Variants in ESRRG observed in about 807,000 individuals in gnomAD.
ESRRG encodes estrogen-related receptor gamma.
A neutral mutation model predicts 44.0 loss-of-function variants in ESRRG; 13 were observed. The observed-to-expected ratio is 0.30, with a 90% CI of 0.19 to 0.47. The LOEUF (loss-of-function observed/expected upper bound fraction) is 0.47. Ranked by LOEUF, ESRRG falls within the 20% of genes least tolerant of loss-of-function variation. The pLI is 1.00. For missense variants in ESRRG, 395 were observed against 580.6 expected (o/e 0.68, Z 3.29); for synonymous variants, 215 against 214.6 (o/e 1.00, Z -0.02).
chr1:216,757,278 C>T (rs1259292341), intron 2 of ESRRG, among the ~76,000 whole-genome samples: 1 of 151,982 alleles, frequency 6.6e-6, no homozygotes, highest in Non-Finnish European at 1.5e-5. Context: ...GCTCATTCCC[C>T]AGCAGTACTC....
chr1:216,581,889 T>G (rs1314160195), intron 3 of ESRRG, among the ~76,000 whole-genome samples: 1 of 152,236 alleles, frequency 6.6e-6, no homozygotes, highest in East Asian at 1.9e-4. Context: ...GCTAATTGTG[T>G]GGCCCTCAGG....
intron 3 of ESRRG, among the ~76,000 whole-genome samples, chr1:216,583,853 G>A (rs936957019): frequency 2.0e-5 from 3 of 152,192 alleles, no homozygotes; most frequent in Non-Finnish European, 4.4e-5. Context: ...GAGAGAGAGA[G>A]CTTGTGCAGG....
At chr1:216,600,040 C>T (rs1179501351) in intron 3 of ESRRG, among the ~76,000 whole-genome samples, 2 of 152,210 alleles carry the variant, frequency 1.3e-5, no homozygotes, top group Non-Finnish European at 2.9e-5. Context: ...GTTAACAAAA[C>T]CTAAACCGTG....
intron 2 of ESRRG, among the ~76,000 whole-genome samples, chr1:216,751,380 T>C (rs2152295436): frequency 6.6e-6 from 1 of 152,256 alleles, no homozygotes; most frequent in Non-Finnish European, 1.5e-5. Context: ...TATTACCATA[T>C]TCATCATACT....
chr1:216,678,906 T>C (rs1211575848), intron 1 of ESRRG, among the ~76,000 whole-genome samples: 1 of 152,164 alleles, frequency 6.6e-6, no homozygotes, highest in South Asian at 2.1e-4. Flanking sequence ...ATTGCACAAA[T>C]TTCATGCCCT....
At chr1:217,063,726 A>T (rs1272519545) in intron 1 of ESRRG, among the ~76,000 whole-genome samples, 2 of 152,222 alleles carry the variant, frequency 1.3e-5, no homozygotes, top group Admixed American at 1.3e-4. Context: ...ACTCTGGAAT[A>T]CATCAGAATC....
At chr1:216,997,395 G>A (rs1466553635) in intron 1 of ESRRG, among the ~76,000 whole-genome samples, 3 of 152,194 alleles carry the variant, frequency 2.0e-5, no homozygotes, top group Non-Finnish European at 4.4e-5. Context: ...GGCATGCAGT[G>A]AAACAGACCA....
At position 217,017,402 on chromosome 1, in the gene ESRRG, G is replaced by A. The variant is rs575068251; in HGVS notation, c.-106+72105C>T. Reference sequence around the variant, plus strand: ...TGCTGTCAGACAGGATCATATCTGAGTCACATCAGACACAACTGAATCTAG... The same window carrying A: ...TGCTGTCAGACAGGATCATATCTGAATCACATCAGACACAACTGAATCTAG... On this transcript the variant is annotated intron_variant, in intron 1 of 7. Transcript: ENST00000359162. Among the ~76,000 whole-genome samples, 3 of 142,908 alleles carry A rather than the reference G, an allele frequency of 2.1e-5. No homozygotes were observed. The South Asian group carries it at 6.7e-4, about 32-fold the overall frequency. The allele number at this position is 142,908 out of a possible 152,430, so 93.8% of individuals were successfully genotyped here. A position where few individuals can be genotyped will look rare whatever the true frequency, so the allele number is the denominator to read the frequency against.
intron 4 of ESRRG, among the ~76,000 whole-genome samples, chr1:216,567,093 T>C (rs2149583944): frequency 6.6e-6 from 1 of 152,296 alleles, no homozygotes; most frequent in East Asian, 1.9e-4. Flanking sequence ...CTGCTACAGA[T>C]GCATTTTCCT....
chr1:217,043,249 A>G (rs1414260990), intron 1 of ESRRG, among the ~76,000 whole-genome samples: 1 of 152,140 alleles, frequency 6.6e-6, no homozygotes, highest in African/African-American at 2.4e-5. Context: ...CCAGCAAAGT[A>G]AGCTGCCCTC....
intron 5 of ESRRG, among the ~76,000 whole-genome samples, chr1:216,542,072 CAG>C (rs3040899): frequency 0.032 from 4,412 of 139,710 alleles, 85 homozygotes; most frequent in African/African-American, 0.062. Flanking sequence ...GTGTCTATGA[CAG>C]AGAGAGAGAG....
At chr1:217,136,075 C>G (rs568183318) in intron 1 of ESRRG, among the ~76,000 whole-genome samples, 1 of 152,290 alleles carries the variant, frequency 6.6e-6, no homozygotes, top group South Asian at 2.1e-4. Context: ...ATTTATCTGA[C>G]CTTCTCTACC....
At chr1:216,574,148 G>C (rs956197479) in intron 3 of ESRRG, among the ~76,000 whole-genome samples, 1 of 152,096 alleles carries the variant, frequency 6.6e-6, no homozygotes, top group Non-Finnish European at 1.5e-5. Context: ...AAGGCAATTA[G>C]ATTTTCCATT....
At chr1:217,080,097 G>T (rs1239628748) in intron 1 of ESRRG, among the ~76,000 whole-genome samples, 1 of 152,016 alleles carries the variant, frequency 6.6e-6, no homozygotes, top group Non-Finnish European at 1.5e-5. Flanking sequence ...TATATGAATT[G>T]ACCACATAGC....
chr1:216,608,740 G>T (rs1390256358), intron 3 of ESRRG, among the ~76,000 whole-genome samples: 1 of 152,102 alleles, frequency 6.6e-6, no homozygotes, highest in African/African-American at 2.4e-5. Context: ...GGTTCTTGGG[G>T]ATCTAAGCTC....
At chr1:216,906,367 T>G (rs913885363) in intron 2 of ESRRG, among the ~76,000 whole-genome samples, 8 of 152,154 alleles carry the variant, frequency 5.3e-5, no homozygotes, top group African/African-American at 1.4e-4. Context: ...GTCTCCAGAC[T>G]AAGGTGGAGG....
Position 216,829,549 on chromosome 1 carries a change from GTT to G in ESRRG, c.-14+110031_-14+110032del, listed in dbSNP as rs66515526. On this transcript the variant is annotated intron_variant, in intron 2 of 7. Coordinates refer to the ESRRG transcript ENST00000359162. ...GACCTGCCTCACTCCAAATGCCACA[GTT>G]TTTTTTTTTTTTTTCTTTTTTGAGA... 3.1e-3 allele frequency among the ~76,000 whole-genome samples: 424 copies of G among 135,620 alleles called. 1 individual carries two copies. Among genetic ancestry groups the G allele is most frequent in the African/African-American group, 5.2e-3 (184 of 35,698 alleles). 89.0% of individuals were successfully genotyped at this position (135,620 alleles called of 152,430 possible).
chr1:216,725,370 G>A (rs563243998), upstream of ESRRG, among the ~76,000 whole-genome samples: 1 of 152,100 alleles, frequency 6.6e-6, no homozygotes, highest in South Asian at 2.1e-4. Context: ...ATGTAAATTT[G>A]GTTGTGAGCA....
chr1:216,558,825 T>C (rs979898429), intron 5 of ESRRG, among the ~76,000 whole-genome samples: 2 of 152,036 alleles, frequency 1.3e-5, no homozygotes, highest in African/African-American at 2.4e-5. Context: ...AAAATAACCT[T>C]TAAATATTTC....
Sources: allele counts gnomAD v4.1 joint callset (sites outside exome capture counted in the v4.1 genomes callset), GRCh38; gene constraint gnomAD v4.1.1; transcripts MANE v1.5; gene names NCBI Gene and HGNC (gene_info 2026-07-23, HGNC 2026-07-21).